SPIDR: variants seen among roughly 807,000 people sequenced by gnomAD.
SPIDR encodes the protein DNA repair-scaffolding protein.
Under a neutral mutation model 104.6 loss-of-function variants are expected in SPIDR, and 93 were observed. The ratio of observed to expected loss-of-function variants is 0.89; its 90% CI spans 0.75 to 1.06. The LOEUF is 1.06. Ranked by LOEUF, SPIDR falls within the 50% of genes least tolerant of loss-of-function variation. The pLI is 0.00. For synonymous variants in SPIDR, 431 were observed against 416.9 expected (o/e 1.03, Z -0.41); for missense variants, 1,154 against 1,111.2 (o/e 1.04, Z -0.55).
intron 5 of SPIDR, among the ~76,000 whole-genome samples, chr8:47,368,299 C>T (rs1384499825): frequency 8.5e-6 from 1 of 117,680 alleles, no homozygotes; most frequent in Non-Finnish European, 1.6e-5. Context: ...CAGTCCATAG[C>T]ATATGTCAGT....
chr8:47,284,859 T>C (rs2038511012), intron 3 of SPIDR, among the ~76,000 whole-genome samples: 1 of 152,252 alleles, frequency 6.6e-6, no homozygotes, highest in Non-Finnish European at 1.5e-5. Flanking sequence ...ATGTTGCTGC[T>C]AAAGAAAACT....
intron 5 of SPIDR, among the ~76,000 whole-genome samples, chr8:47,379,601 C>T (rs1325200621): frequency 6.6e-6 from 1 of 152,134 alleles, no homozygotes; most frequent in East Asian, 1.9e-4. Flanking sequence ...AATTCAGCTC[C>T]ATGAGGTACA....
chr8:47,585,453 T>C (rs2060163146), intron 8 of SPIDR, among the ~76,000 whole-genome samples: 1 of 152,230 alleles, frequency 6.6e-6, no homozygotes, highest in Admixed American at 6.5e-5. Flanking sequence ...TAGATAATTG[T>C]AGATTTACAT....
At chr8:47,296,987 T>C (rs971164479) in intron 5 of SPIDR, among the ~76,000 whole-genome samples, 6 of 152,224 alleles carry the variant, frequency 3.9e-5, no homozygotes, top group Non-Finnish European at 8.8e-5. Context: ...TTTTTCTCGA[T>C]GCTACTGTAA....
At chr8:47,530,719 T>TA (rs139076686) in intron 8 of SPIDR, among the ~76,000 whole-genome samples, 2,758 of 152,152 alleles carry the variant, frequency 0.018, 85 homozygotes, top group African/African-American at 0.064. Flanking sequence ...ACTAAATTTA[T>TA]AAAAAAGCAT....
intron 7 of SPIDR, among the ~76,000 whole-genome samples, chr8:47,434,068 G>A (rs1291743476): frequency 6.6e-6 from 1 of 152,100 alleles, no homozygotes; most frequent in Non-Finnish European, 1.5e-5. Flanking sequence ...ATTATTTTTG[G>A]GGGAAAGCTA....
intron 19 of SPIDR, among the ~76,000 whole-genome samples, chr8:47,731,104 A>T (rs182995849): frequency 6.6e-6 from 1 of 152,042 alleles, no homozygotes; most frequent in South Asian, 2.1e-4. Flanking sequence ...CTAAAAATAC[A>T]AAAAAGCTGG....
intron 10 of SPIDR, among the ~76,000 whole-genome samples, chr8:47,603,040 G>A (rs2062485537): frequency 6.6e-6 from 1 of 152,086 alleles, no homozygotes; most frequent in Non-Finnish European, 1.5e-5. Flanking sequence ...GATGCAGAAG[G>A]TGCTCCCTAA....
At chr8:47,659,633 C>T in intron 10 of SPIDR, 4 of 581,498 alleles carry the variant, frequency 6.9e-6, no homozygotes, top group Non-Finnish European at 8.7e-6. Context: ...CACCCCGCCC[C>T]GCCCTCGCTC....
intron 8 of SPIDR, among the ~76,000 whole-genome samples, chr8:47,487,480 G>A (rs1365479022): frequency 6.6e-6 from 1 of 152,128 alleles, no homozygotes; most frequent in Non-Finnish European, 1.5e-5. Context: ...TCCAGGAATT[G>A]AACTCAGCTC....
intron 10 of SPIDR, among the ~76,000 whole-genome samples, chr8:47,600,757 G>C (rs1387023893): frequency 6.6e-6 from 1 of 152,160 alleles, no homozygotes; most frequent in Non-Finnish European, 1.5e-5. Flanking sequence ...CACATATCCA[G>C]TGTTAGGTTT....
At chr8:47,372,095 G>T (rs1417913857) in intron 5 of SPIDR, among the ~76,000 whole-genome samples, 2 of 152,100 alleles carry the variant, frequency 1.3e-5, no homozygotes, top group Non-Finnish European at 2.9e-5. Flanking sequence ...CAACTTCCAT[G>T]CCTAGAAACT....
intron 8 of SPIDR, among the ~76,000 whole-genome samples, chr8:47,502,478 G>T (rs1000427207): frequency 6.6e-6 from 1 of 152,158 alleles, no homozygotes; most frequent in African/African-American, 2.4e-5. Context: ...TGTGGGATCG[G>T]TGGTGATACC....
At chr8:47,384,554 A>G (rs782289966) in intron 5 of SPIDR, among the ~76,000 whole-genome samples, 30 of 152,224 alleles carry the variant, frequency 2.0e-4, no homozygotes, top group Non-Finnish European at 3.5e-4. Flanking sequence ...ACATTTTACA[A>G]TTAGGAAAAT....
intron 5 of SPIDR, among the ~76,000 whole-genome samples, chr8:47,315,031 TAAAG>T (rs1406309152): frequency 3.9e-5 from 6 of 152,150 alleles, no homozygotes; most frequent in Non-Finnish European, 8.8e-5. Context: ...GTACTGGAGA[TAAAG>T]AAGGGCATTT....
intron 10 of SPIDR, among the ~76,000 whole-genome samples, chr8:47,651,564 G>C (rs2071637066): frequency 6.6e-6 from 1 of 152,290 alleles, no homozygotes; most frequent in African/African-American, 2.4e-5. Context: ...GCTAAAAGTA[G>C]ATCTGCCATT....
intron 8 of SPIDR, among the ~76,000 whole-genome samples, chr8:47,533,800 C>T (rs1210029455): frequency 6.6e-6 from 1 of 152,162 alleles, no homozygotes; most frequent in Non-Finnish European, 1.5e-5. Context: ...GAAAAGGGAA[C>T]CCTAATACAC....
At chr8:47,381,223 C>T (rs2059290239) in intron 5 of SPIDR, among the ~76,000 whole-genome samples, 1 of 152,198 alleles carries the variant, frequency 6.6e-6, no homozygotes, top group Non-Finnish European at 1.5e-5. Flanking sequence ...GATACACAGG[C>T]ACTCAGTTAA....
intron 8 of SPIDR, among the ~76,000 whole-genome samples, chr8:47,517,412 C>G (rs996527662): frequency 1.3e-5 from 2 of 152,164 alleles, no homozygotes; most frequent in Non-Finnish European, 2.9e-5. Context: ...AATACCAACC[C>G]TCCCCATGCC....
Sources: allele counts gnomAD v4.1 joint callset (sites outside exome capture counted in the v4.1 genomes callset), GRCh38; gene constraint gnomAD v4.1.1; transcripts MANE v1.5; gene names NCBI Gene and HGNC (gene_info 2026-07-23, HGNC 2026-07-21).